Variants in SPON1 observed in about 807,000 individuals in gnomAD.
The protein encoded by SPON1 is spondin 1, also known as spondin-1.
A neutral mutation model predicts 111.7 loss-of-function variants in SPON1; 52 were observed. The observed-to-expected ratio is 0.47, with a 90% confidence interval of 0.37 to 0.59. SPON1 has a LOEUF of 0.59. SPON1 is among the 20% of genes least tolerant of loss of function. SPON1 has a pLI of 0.00. For synonymous variants in SPON1, 410 were observed against 395.8 expected (o/e 1.04, Z -0.43); for missense variants, 957 against 1,068.5 (o/e 0.90, Z 1.46).
intron 6 of SPON1, among the ~76,000 whole-genome samples, chr11:14,170,472 T>C (rs1169488034): frequency 1.3e-5 from 2 of 152,204 alleles, no homozygotes; most frequent in Non-Finnish European, 2.9e-5. Context: ...CTTTTCCTAA[T>C]TGAATGCCTT....
chr11:13,973,383 C>T (rs1419320687), intron 1 of SPON1, among the ~76,000 whole-genome samples: 2 of 152,236 alleles, frequency 1.3e-5, no homozygotes, highest in Non-Finnish European at 2.9e-5. Flanking sequence ...GCTTCCTGCC[C>T]TCATCCACAT....
intron 11 of SPON1, 120 bp downstream of exon 11, chr11:14,258,018 G>A: frequency 1.1e-6 from 1 of 928,486 alleles, no homozygotes; most frequent in Non-Finnish European, 1.5e-6. Context: ...ATGTCAGTGG[G>A]GTCCACCTTG....
Position 14,220,704 on chromosome 11 carries a change from G to A in SPON1, c.826-22628G>A, listed in dbSNP as rs570149651. On this transcript the variant is annotated intron_variant, in intron 6 of 15. Transcript: ENST00000576479. ...TAATTTCTGTCATTTAAATATGAGG[G>A]TGAGCTGATGGCTGAATTGGATTCT... 5.3e-5 allele frequency among the ~76,000 whole-genome samples: 8 copies of A among 152,234 alleles called. No homozygotes were observed. In the East Asian group the frequency reaches 1.5e-3, roughly 29 times the overall value.
chr11:14,145,910 G>GA (rs1310368029), intron 6 of SPON1, among the ~76,000 whole-genome samples: 3 of 152,046 alleles, frequency 2.0e-5, no homozygotes, highest in Admixed American at 6.5e-5. Context: ...AGTTAGATGG[G>GA]AAAAAAGCAG....
In SPON1 at chr11:14,265,717, CTA is replaced by C. The variant is rs781830306; in HGVS notation, c.*31_*32del. On this transcript the variant is annotated 3_prime_UTR_variant, in exon 16 of 16. Coordinates refer to ENST00000576479, the MANE Select transcript of SPON1 (RefSeq NM_006108.4). ...GGTACGAGTTCCCCAGGGCTGCACT[CTA>C]GATTCCAGAGTCACCAATGGCTGGA... The C allele has an allele frequency of 1.5e-4, 247 of 1,604,822 alleles. 1 individual carries two copies. In the African/African-American group the frequency reaches 3.0e-3, roughly 20 times the overall value.
Position 14,171,265 on chromosome 11 carries a change from T to G in SPON1, c.825+35697T>G, listed in dbSNP as rs535768659. Among the ~76,000 whole-genome samples, 11 of 152,346 alleles carry G rather than the reference T, an allele frequency of 7.2e-5. No individual in the cohort carries two copies. In the East Asian group the frequency reaches 2.1e-3, roughly 29 times the overall value. On this transcript the variant is annotated intron_variant, in intron 6 of 15. Transcript: ENST00000576479. Reference sequence around the variant, plus strand: ...GGAATTTATCCATTTCTTCTAGATTTTCTAGTTTATTTGCGTAGAGGTGTT... The same window carrying G: ...GGAATTTATCCATTTCTTCTAGATTGTCTAGTTTATTTGCGTAGAGGTGTT...
At chr11:14,227,887 G>A (rs1386489123) in intron 6 of SPON1, among the ~76,000 whole-genome samples, 2 of 151,956 alleles carry the variant, frequency 1.3e-5, no homozygotes, top group East Asian at 1.9e-4. Flanking sequence ...CTTTTAAAGG[G>A]CAAATACAAG....
chr11:14,144,284 G>C (rs558832242), intron 6 of SPON1, among the ~76,000 whole-genome samples: 7 of 152,180 alleles, frequency 4.6e-5, no homozygotes, highest in African/African-American at 7.2e-5. Flanking sequence ...ATTGGGCTAG[G>C]TAGAATCTAC....
chr11:14,064,752 C>A (rs1477716335), intron 3 of SPON1, among the ~76,000 whole-genome samples: 1 of 152,066 alleles, frequency 6.6e-6, no homozygotes, highest in Non-Finnish European at 1.5e-5. Context: ...AGTCCCCTGG[C>A]AGAGCATAGG....
intron 7 of SPON1, among the ~76,000 whole-genome samples, chr11:14,245,514 C>A (rs1848979640): frequency 6.6e-6 from 1 of 152,156 alleles, no homozygotes; most frequent in South Asian, 2.1e-4. Context: ...TGAGGAATGG[C>A]TCTGGAGCCC....
chr11:14,132,957 T>G (rs1847544772), intron 5 of SPON1, among the ~76,000 whole-genome samples: 1 of 152,212 alleles, frequency 6.6e-6, no homozygotes, highest in African/African-American at 2.4e-5. Context: ...ATCCCTGAAT[T>G]ACAAACGAGG....
intron 1 of SPON1, among the ~76,000 whole-genome samples, chr11:13,966,920 TG>T (rs1554908066): frequency 6.6e-6 from 1 of 152,182 alleles, no homozygotes; most frequent in Non-Finnish European, 1.5e-5. Flanking sequence ...TGTCACACAG[TG>T]GTTGCTAAAA....
At chr11:14,053,453 A>T (rs1162538704) in intron 3 of SPON1, among the ~76,000 whole-genome samples, 1 of 152,166 alleles carries the variant, frequency 6.6e-6, no homozygotes, top group Non-Finnish European at 1.5e-5. Flanking sequence ...TTTGAGGTTC[A>T]TCCATGTTGT....
chr11:14,144,351 C>A (rs1183280775), intron 6 of SPON1, among the ~76,000 whole-genome samples: 2 of 151,960 alleles, frequency 1.3e-5, no homozygotes, highest in Non-Finnish European at 2.9e-5. Context: ...ACTTTTAGAC[C>A]AGGCGTGGTG....
intron 11 of SPON1, 105 bp downstream of exon 11, chr11:14,258,003 A>AT: frequency 5.5e-6 from 6 of 1,090,462 alleles, no homozygotes; most frequent in African/African-American, 1.6e-5. Flanking sequence ...GGACCCTGAC[A>AT]GTAGATGTCA....
chr11:14,143,339 A>T (rs1847679172), intron 6 of SPON1, among the ~76,000 whole-genome samples: 1 of 152,154 alleles, frequency 6.6e-6, no homozygotes, highest in African/African-American at 2.4e-5. Flanking sequence ...AGGTGGGCAG[A>T]TCACTTGAGC....
At chr11:14,106,820 G>T (rs1849188505) in intron 5 of SPON1, among the ~76,000 whole-genome samples, 1 of 152,134 alleles carries the variant, frequency 6.6e-6, no homozygotes, top group Non-Finnish European at 1.5e-5. Flanking sequence ...TGAGTTGATT[G>T]ATTAAATTGA....
At chr11:14,199,350 C>G (rs2133895774) in intron 6 of SPON1, among the ~76,000 whole-genome samples, 1 of 152,242 alleles carries the variant, frequency 6.6e-6, no homozygotes, top group African/African-American at 2.4e-5. Flanking sequence ...GGTGTTCAAT[C>G]CAGACACCAT....
intron 2 of SPON1, among the ~76,000 whole-genome samples, chr11:14,010,082 A>G (rs539008022): frequency 6.6e-5 from 10 of 152,298 alleles, no homozygotes; most frequent in Admixed American, 2.6e-4. Flanking sequence ...CTGCAGGAAC[A>G]AATGAAGGGA....
Sources: allele counts gnomAD v4.1 joint callset (sites outside exome capture counted in the v4.1 genomes callset), GRCh38; gene constraint gnomAD v4.1.1; transcripts MANE v1.5; gene names NCBI Gene and HGNC (gene_info 2026-07-23, HGNC 2026-07-21).